Variants in OLFM3 observed in about 807,000 individuals in gnomAD.
OLFM3 encodes the protein olfactomedin 3, also known as noelin-3.
Under a neutral mutation model 48.6 loss-of-function variants are expected in OLFM3, and 20 were observed. The ratio of observed to expected loss-of-function variants is 0.41; its 90% CI spans 0.29 to 0.60. The LOEUF (loss-of-function observed/expected upper bound fraction) is 0.60. Among genes scored for constraint, OLFM3 ranks in the 20% least tolerant of loss-of-function variants. The pLI is 0.28. For synonymous variants in OLFM3, 222 were observed against 198.1 expected (o/e 1.12, Z -1.01); for missense variants, 437 against 544.3 (o/e 0.80, Z 1.96).
At chr1:101,823,821 A>G (rs1654720211) in intron 4 of OLFM3, among the ~76,000 whole-genome samples, 1 of 151,958 alleles carries the variant, frequency 6.6e-6, no homozygotes, top group South Asian at 2.1e-4. Context: ...GGATTCTTGA[A>G]CATGTGTTTC....
At chr1:101,830,560 T>C in intron 3 of OLFM3, 112 bp downstream of exon 3, 1 of 1,126,300 alleles carries the variant, frequency 8.9e-7, no homozygotes, top group Non-Finnish European at 1.3e-6. Context: ...CATGAGTCTT[T>C]TACCTTGCAC....
At chr1:101,933,262 G>C (rs1244728053) in intron 1 of OLFM3, among the ~76,000 whole-genome samples, 1 of 90,974 alleles carries the variant, frequency 1.1e-5, no homozygotes, top group African/African-American at 4.0e-5. Context: ...TTTTGAGAAA[G>C]AAACAAACTA....
intron 1 of OLFM3, among the ~76,000 whole-genome samples, chr1:101,839,887 G>A (rs1655624846): frequency 6.6e-6 from 1 of 152,182 alleles, no homozygotes. Flanking sequence ...CTACTACAGA[G>A]TTACTTTGAA....
intron 1 of OLFM3, among the ~76,000 whole-genome samples, chr1:101,846,417 T>C (rs770496710): frequency 2.6e-5 from 4 of 152,152 alleles, no homozygotes; most frequent in Non-Finnish European, 5.9e-5. Context: ...GGCATTGCAT[T>C]CCAAGGAAGA....
intron 1 of OLFM3, among the ~76,000 whole-genome samples, chr1:101,925,068 T>C (rs979634290): frequency 6.6e-6 from 1 of 152,090 alleles, no homozygotes; most frequent in African/African-American, 2.4e-5. Context: ...TAGATGCATT[T>C]CTCATGAATA....
At chr1:101,862,326 T>C (rs1656692539) in intron 1 of OLFM3, among the ~76,000 whole-genome samples, 1 of 152,198 alleles carries the variant, frequency 6.6e-6, no homozygotes, top group Non-Finnish European at 1.5e-5. Context: ...GTCTCAGTGT[T>C]ACATCCTTTG....
At chr1:101,950,393 C>T (rs1439826139) in intron 1 of OLFM3, among the ~76,000 whole-genome samples, 1 of 152,068 alleles carries the variant, frequency 6.6e-6, no homozygotes, top group Non-Finnish European at 1.5e-5. Context: ...AGGTGGATTT[C>T]TCACCTTACC....
intron 4 of OLFM3, among the ~76,000 whole-genome samples, chr1:101,822,336 G>A (rs1053948375): frequency 3.9e-5 from 6 of 152,068 alleles, no homozygotes; most frequent in Admixed American, 6.6e-5. Context: ...ACTGACATAC[G>A]TTAGGTTTCA....
intron 1 of OLFM3, among the ~76,000 whole-genome samples, chr1:101,894,530 G>A (rs1658124556): frequency 6.6e-6 from 1 of 152,050 alleles, no homozygotes; most frequent in Non-Finnish European, 1.5e-5. Context: ...CCAGTAGATT[G>A]ACTTTTACTT....
chr1:101,990,246 G>A (rs1400201088), intron 1 of OLFM3, among the ~76,000 whole-genome samples: 2 of 152,066 alleles, frequency 1.3e-5, no homozygotes, highest in Admixed American at 6.5e-5. Flanking sequence ...CAAAATGATG[G>A]GCTGGTTTTG....
intron 1 of OLFM3, among the ~76,000 whole-genome samples, chr1:101,949,232 C>A (rs901825071): frequency 1.3e-5 from 2 of 152,158 alleles, no homozygotes; most frequent in Non-Finnish European, 2.9e-5. Flanking sequence ...TCACTGCAAG[C>A]TCCTCTTCAA....
chr1:101,845,762 G>A (rs557751802), intron 1 of OLFM3, among the ~76,000 whole-genome samples: 1 of 152,300 alleles, frequency 6.6e-6, no homozygotes, highest in South Asian at 2.1e-4. Context: ...GTAAAAGCAG[G>A]TCAAAGTGTG....
At chr1:101,826,132 A>G (rs995082630) in intron 3 of OLFM3, among the ~76,000 whole-genome samples, 65 of 34,074 alleles carry the variant, frequency 1.9e-3, no homozygotes, top group Middle Eastern at 0.027. Flanking sequence ...TTCGTCAAAC[A>G]CACACACACA....
chr1:101,808,439 T>C (rs561787086), intron 4 of OLFM3, among the ~76,000 whole-genome samples: 46 of 151,702 alleles, frequency 3.0e-4, no homozygotes, highest in Admixed American at 6.6e-5. Context: ...TGATCTGCCT[T>C]GAAGAGAAAA....
chr1:101,862,275 C>A (rs868211109), intron 1 of OLFM3, among the ~76,000 whole-genome samples: 1 of 152,112 alleles, frequency 6.6e-6, no homozygotes, highest in African/African-American at 2.4e-5. Flanking sequence ...TGATTTCAAA[C>A]GGCAGAGTTT....
intron 1 of OLFM3, among the ~76,000 whole-genome samples, chr1:101,941,909 A>C (rs960247739): frequency 6.6e-6 from 1 of 152,186 alleles, no homozygotes; most frequent in South Asian, 2.1e-4. Flanking sequence ...AACTTACGTA[A>C]AACACTTTGT....
At chr1:101,888,376 C>T (rs933279487) in intron 1 of OLFM3, among the ~76,000 whole-genome samples, 4 of 152,128 alleles carry the variant, frequency 2.6e-5, no homozygotes, top group Non-Finnish European at 5.9e-5. Context: ...CTTTGACAAA[C>T]TTGACAAAAA....
At chr1:101,827,048 G>A (rs12407365) in intron 3 of OLFM3, among the ~76,000 whole-genome samples, 1 of 152,148 alleles carries the variant, frequency 6.6e-6, no homozygotes, top group East Asian at 1.9e-4. Context: ...GAGAGCATTG[G>A]AAAGTCCACC....
intron 3 of OLFM3, among the ~76,000 whole-genome samples, chr1:101,829,337 G>C (rs1466893093): frequency 6.6e-6 from 1 of 151,962 alleles, no homozygotes; most frequent in Non-Finnish European, 1.5e-5. Context: ...TTAACCTGCT[G>C]GTTTTGTGTA....
Sources: allele counts gnomAD v4.1 joint callset (sites outside exome capture counted in the v4.1 genomes callset), GRCh38; gene constraint gnomAD v4.1.1; transcripts MANE v1.5; gene names NCBI Gene and HGNC (gene_info 2026-07-23, HGNC 2026-07-21).